BTRC: variants seen among roughly 807,000 people sequenced by gnomAD.
BTRC encodes the protein F-box/WD repeat-containing protein 1A.
In BTRC, 42 loss-of-function variants were observed where a neutral mutation model predicts 85.5. The ratio of observed to expected loss-of-function variants is 0.49; its 90% CI spans 0.38 to 0.64. BTRC has a LOEUF of 0.64. BTRC is among the 30% of genes least tolerant of loss of function. BTRC has a pLI of 0.00. For missense variants in BTRC, 594 were observed against 743.5 expected, an observed-to-expected ratio of 0.80 and a Z score of 2.34; for synonymous variants, 255 against 263.3, an observed-to-expected ratio of 0.97 and a Z score of 0.30.
At chr10:101,377,542 G>A (rs1942822455) in intron 1 of BTRC, among the ~76,000 whole-genome samples, 1 of 152,158 alleles carries the variant, frequency 6.6e-6, no homozygotes, top group South Asian at 2.1e-4. Flanking sequence ...CAGCATTTGG[G>A]ATTATCAGTA....
chr10:101,385,615 C>CTTTTTTTTTTTTT (rs146804594), intron 1 of BTRC, among the ~76,000 whole-genome samples: 10 of 48,896 alleles, frequency 2.0e-4, no homozygotes, highest in African/African-American at 4.4e-4. Flanking sequence ...CTTTCTTCTT[C>CTTTTTTTTTTTTT]TTCTTTTTTT....
chr10:101,497,836 A>C (rs776314656), intron 4 of BTRC, among the ~76,000 whole-genome samples: 8 of 152,022 alleles, frequency 5.3e-5, no homozygotes, highest in Non-Finnish European at 1.2e-4. Flanking sequence ...CTTGGCCAAC[A>C]TGGTGAAACC....
intron 4 of BTRC, among the ~76,000 whole-genome samples, chr10:101,514,750 G>A (rs1006405334): frequency 2.0e-5 from 3 of 151,600 alleles, no homozygotes; most frequent in Admixed American, 1.3e-4. Context: ...ACCGTGCCTG[G>A]CCTCCCCATT....
At chr10:101,432,878 A>T (rs543443627) in intron 2 of BTRC, among the ~76,000 whole-genome samples, 2 of 152,302 alleles carry the variant, frequency 1.3e-5, no homozygotes, top group African/African-American at 4.8e-5. Flanking sequence ...AGTATTACCA[A>T]CCATGAAATT....
chr10:101,429,518 C>CCCTCCCTT (rs2134078002), intron 1 of BTRC, among the ~76,000 whole-genome samples: 1 of 122,184 alleles, frequency 8.2e-6, no homozygotes, highest in South Asian at 3.6e-4. Context: ...CCCCTCCCCT[C>CCCTCCCTT]CCTCCCTTCC....
chr10:101,505,641 T>TAAAA (rs1946519487), intron 4 of BTRC, among the ~76,000 whole-genome samples: 2 of 74,334 alleles, frequency 2.7e-5, no homozygotes, highest in African/African-American at 6.5e-5. Context: ...AAAAAAAAAA[T>TAAAA]AATAATAAAA....
chr10:101,522,555 G>A (rs2062132828), intron 5 of BTRC, among the ~76,000 whole-genome samples: 1 of 150,736 alleles, frequency 6.6e-6, no homozygotes, highest in Non-Finnish European at 1.5e-5. Context: ...CGAGTAGCTG[G>A]GACTACAGGC....
At chr10:101,541,481 C>T (rs1157775728) in intron 13 of BTRC, among the ~76,000 whole-genome samples, 2 of 152,042 alleles carry the variant, frequency 1.3e-5, no homozygotes, top group Admixed American at 6.6e-5. Context: ...AGGATGGTCT[C>T]GATCTCCTGA....
intron 2 of BTRC, among the ~76,000 whole-genome samples, chr10:101,436,086 T>C (rs1051392459): frequency 6.6e-6 from 1 of 152,132 alleles, no homozygotes; most frequent in Non-Finnish European, 1.5e-5. Context: ...TGGGGATATG[T>C]TTAGTTTGAG....
chr10:101,545,752 A>G (rs558224112), intron 13 of BTRC, among the ~76,000 whole-genome samples: 1 of 152,310 alleles, frequency 6.6e-6, no homozygotes, highest in East Asian at 1.9e-4. Flanking sequence ...AGTGTATGCC[A>G]TACTTTGTTA....
chr10:101,531,708 G>A (rs1003037330), intron 7 of BTRC, among the ~76,000 whole-genome samples: 2 of 144,702 alleles, frequency 1.4e-5, no homozygotes, highest in African/African-American at 2.5e-5. Flanking sequence ...ACGACAGAGC[G>A]AGACTCCATC....
intron 3 of BTRC, among the ~76,000 whole-genome samples, chr10:101,474,646 A>G (rs1399523407): frequency 1.3e-5 from 2 of 152,162 alleles, no homozygotes; most frequent in Non-Finnish European, 2.9e-5. Context: ...CTCTATTGCC[A>G]GCCACTATGG....
At chr10:101,495,214 G>A (rs926423204) in intron 4 of BTRC, among the ~76,000 whole-genome samples, 5 of 152,184 alleles carry the variant, frequency 3.3e-5, no homozygotes, top group Admixed American at 6.5e-5. Context: ...TTGGTAGGAA[G>A]TGTTTGGTAA....
chr10:101,494,069 A>C (rs1453637960), intron 4 of BTRC, among the ~76,000 whole-genome samples: 2 of 152,202 alleles, frequency 1.3e-5, no homozygotes, highest in Non-Finnish European at 2.9e-5. Flanking sequence ...TCTTAGGAAA[A>C]ACACAGCTCT....
chr10:101,490,865 C>T (rs773353366), intron 4 of BTRC, among the ~76,000 whole-genome samples: 1 of 152,078 alleles, frequency 6.6e-6, no homozygotes, highest in African/African-American at 2.4e-5. Context: ...TCAAGGCCAG[C>T]CTGGCCAACA....
chr10:101,385,745 A>C (rs933237637), intron 1 of BTRC, among the ~76,000 whole-genome samples: 1 of 149,892 alleles, frequency 6.7e-6, no homozygotes, highest in South Asian at 2.1e-4. Flanking sequence ...ACACACACAC[A>C]TATGTTTTGT....
At chr10:101,532,196 T>G (rs1370673703) in intron 7 of BTRC, 99 bp from the exon 8 acceptor site, 4 of 1,294,448 alleles carry the variant, frequency 3.1e-6, no homozygotes, top group Non-Finnish European at 4.2e-6. Flanking sequence ...GTATATCCCA[T>G]AGAGTAAAGC....
intron 4 of BTRC, among the ~76,000 whole-genome samples, chr10:101,499,640 T>C (rs1430395375): frequency 6.6e-6 from 1 of 151,768 alleles, no homozygotes; most frequent in Non-Finnish European, 1.5e-5. Flanking sequence ...CTTGATTCTG[T>C]CTTTGTCACA....
intron 3 of BTRC, among the ~76,000 whole-genome samples, chr10:101,473,863 G>GC (rs1447585200): frequency 1.3e-5 from 2 of 152,174 alleles, no homozygotes; most frequent in African/African-American, 4.8e-5. Context: ...TTCCCAAAGT[G>GC]CTGGGATTAC....
Sources: gnomAD v4.1 joint callset for allele counts (sites outside exome capture counted in the v4.1 genomes callset) on GRCh38, gnomAD v4.1.1 for gene constraint, MANE v1.5 for transcripts, NCBI Gene and HGNC (gene_info 2026-07-23, HGNC 2026-07-21) for gene names.